The following PPP2R3A variants were observed in gnomAD, a reference collection of about 807,000 sequenced individuals.
PPP2R3A encodes protein phosphatase 2 regulatory subunit B''alpha.
A neutral mutation model predicts 106.9 loss-of-function variants in PPP2R3A; 80 were observed. The observed-to-expected ratio is 0.75, with a 90% CI of 0.62 to 0.90. The LOEUF is 0.90. Ranked by LOEUF, PPP2R3A falls within the 40% of genes least tolerant of loss-of-function variation. PPP2R3A has a pLI of 0.00. For missense variants in PPP2R3A, 1,386 were observed against 1,350.4 expected, an observed-to-expected ratio of 1.03 and a Z score of -0.41; for synonymous variants, 483 against 468.3, an observed-to-expected ratio of 1.03 and a Z score of -0.41.
intron 1 of PPP2R3A, among the ~76,000 whole-genome samples, chr3:135,997,680 AAAGTCTGTTTTAGGATT>A: frequency 6.6e-6 from 1 of 152,332 alleles, no homozygotes; most frequent in South Asian, 2.1e-4. Flanking sequence ...ACAAAAACAA[AAAGTCTGTTTTAGGATT>A]AGCAACACAA....
chr3:136,018,303 C>T (rs1056204990), intron 2 of PPP2R3A, among the ~76,000 whole-genome samples: 6 of 152,192 alleles, frequency 3.9e-5, no homozygotes, highest in Non-Finnish European at 1.5e-5. Context: ...TGGTACAACA[C>T]ATTGCATATA....
Position 136,132,758 on chromosome 3 carries a change from C to A in PPP2R3A, c.3330-12285C>A, listed in dbSNP as rs189741594. Among the ~76,000 whole-genome samples, 54 of 151,810 alleles carry A rather than the reference C, an allele frequency of 3.6e-4. No individual in the cohort carries two copies. In the East Asian group the frequency reaches 9.5e-3, roughly 27 times the overall value. On this transcript the variant is annotated intron_variant, in intron 13 of 13. Transcript: ENST00000264977. ...TTGGTGTAGAAATTAGTAAACTAATCCTAAAACTTGTATAGAAAATGAAAA... is the reference window on the plus strand; with the variant it reads ...TTGGTGTAGAAATTAGTAAACTAATACTAAAACTTGTATAGAAAATGAAAA...
chr3:136,115,205 A>C (rs1306552407), intron 13 of PPP2R3A, among the ~76,000 whole-genome samples: 7 of 152,172 alleles, frequency 4.6e-5, no homozygotes, highest in African/African-American at 1.7e-4. Flanking sequence ...TAACAAACAG[A>C]AAAGAATAGC....
At chr3:135,997,700 C>G (rs1039554972) in intron 1 of PPP2R3A, among the ~76,000 whole-genome samples, 12 of 152,202 alleles carry the variant, frequency 7.9e-5, no homozygotes, top group Admixed American at 2.6e-4. Flanking sequence ...TTAGGATTAG[C>G]AACACAAGTC....
chr3:136,140,087 G>A (rs1938797396), intron 13 of PPP2R3A, among the ~76,000 whole-genome samples: 1 of 151,492 alleles, frequency 6.6e-6, no homozygotes, highest in Non-Finnish European at 1.5e-5. Flanking sequence ...TGTGAGTTCT[G>A]CTTTAATCCT....
At chr3:136,144,486 C>G (rs1352036796) in intron 13 of PPP2R3A, among the ~76,000 whole-genome samples, 1 of 152,058 alleles carries the variant, frequency 6.6e-6, no homozygotes, top group African/African-American at 2.4e-5. Flanking sequence ...CATGGTGAAA[C>G]CCCATCTCTA....
At chr3:136,074,017 G>C (rs1179791425) in intron 6 of PPP2R3A, among the ~76,000 whole-genome samples, 4 of 152,212 alleles carry the variant, frequency 2.6e-5, no homozygotes, top group Non-Finnish European at 2.9e-5. Context: ...ATTAATGACA[G>C]ATATCTCAGA....
At chr3:136,137,605 G>A (rs1264615905) in intron 13 of PPP2R3A, among the ~76,000 whole-genome samples, 6 of 137,006 alleles carry the variant, frequency 4.4e-5, no homozygotes, top group African/African-American at 1.4e-4. Flanking sequence ...GCAGTAGCGC[G>A]ATCTCCGCTC....
intron 13 of PPP2R3A, among the ~76,000 whole-genome samples, chr3:136,129,194 C>CAA (rs375578671): frequency 1.2e-4 from 17 of 138,980 alleles, no homozygotes; most frequent in South Asian, 2.3e-4. Flanking sequence ...GAGATAGAGA[C>CAA]AAAAAAAAAA....
chr3:136,115,856 G>C lies in PPP2R3A; in HGVS notation c.3329+9534G>C, dbSNP rs138952980. ...TATCCAGGAGAACTTTCCAAACCTAGCAAGACAGGCCAACATTCAAATTCA... is the reference window on the plus strand; with the variant it reads ...TATCCAGGAGAACTTTCCAAACCTACCAAGACAGGCCAACATTCAAATTCA... On this transcript the variant is annotated intron_variant, in intron 13 of 13. Coordinates refer to ENST00000264977, the MANE Select transcript of PPP2R3A (RefSeq NM_002718.5). 6.4e-3 allele frequency among the ~76,000 whole-genome samples: 979 copies of C among 152,160 alleles called. 10 individuals carry two copies. The highest frequency in any genetic ancestry group is 0.023 in the African/African-American group (949 of 41,512).
At chr3:136,140,782 C>T (rs1330062495) in intron 13 of PPP2R3A, among the ~76,000 whole-genome samples, 1 of 150,648 alleles carries the variant, frequency 6.6e-6, no homozygotes, top group Admixed American at 6.6e-5. Context: ...TGGTGGCACA[C>T]GCCTATAATC....
chr3:136,110,977 C>G (rs773299590), intron 13 of PPP2R3A, among the ~76,000 whole-genome samples: 14 of 152,068 alleles, frequency 9.2e-5, no homozygotes, highest in Non-Finnish European at 1.8e-4. Context: ...AAAAAAATAA[C>G]TACAAACCTA....
intron 5 of PPP2R3A, among the ~76,000 whole-genome samples, chr3:136,051,359 C>T (rs185050321): frequency 5.3e-4 from 81 of 152,264 alleles, no homozygotes; most frequent in Middle Eastern, 3.4e-3. Flanking sequence ...GACGGAGTCT[C>T]GCTCTTGTCG....
chr3:136,035,312 G>A (rs1935048840), intron 3 of PPP2R3A, among the ~76,000 whole-genome samples: 1 of 151,984 alleles, frequency 6.6e-6, no homozygotes, highest in African/African-American at 2.4e-5. Flanking sequence ...TTGCATTTTT[G>A]TTTTATAGGT....
chr3:136,016,921 G>A (rs1934299032), intron 2 of PPP2R3A, among the ~76,000 whole-genome samples: 1 of 152,126 alleles, frequency 6.6e-6, no homozygotes, highest in Non-Finnish European at 1.5e-5. Flanking sequence ...CGTGTGAAAT[G>A]TATGCTTTAA....
chr3:136,087,252 T>TCTCTCTCTCTCTCTCTCTCC (rs1936968384), intron 8 of PPP2R3A, among the ~76,000 whole-genome samples: 1 of 107,952 alleles, frequency 9.3e-6, no homozygotes, highest in African/African-American at 5.3e-5. Flanking sequence ...CGTGTCTCTC[T>TCTCTCTCTCTCTCTCTCTCC]CTCTCTCTCT....
intron 1 of PPP2R3A, among the ~76,000 whole-genome samples, chr3:135,998,827 T>C (rs980585608): frequency 1.3e-5 from 2 of 152,240 alleles, no homozygotes; most frequent in African/African-American, 4.8e-5. Context: ...TTGTGAGATA[T>C]TGTCAAAGTA....
At position 136,145,846 on chromosome 3, in the gene PPP2R3A, TAAAAA is replaced by T. The variant is rs764339734; in HGVS notation, c.*683_*687del. 6.6e-6 allele frequency: 1 copy of T among 152,392 alleles called. No individual in the cohort carries two copies. Among genetic ancestry groups the T allele is most frequent in the Non-Finnish European group, 1.5e-5 (1 of 67,990 alleles). 9.4% of individuals were successfully genotyped at this position (152,392 alleles called of 1,614,324 possible). On this transcript the variant is annotated 3_prime_UTR_variant, in exon 14 of 14. Transcript: ENST00000264977. ...GTGGATCTTATATAAAATCTCAAGA[TAAAAA>T]AACACTTCTTAAATGAAGTATAGAA...
chr3:135,975,987 T>A (rs1222202882), intron 1 of PPP2R3A, among the ~76,000 whole-genome samples: 1 of 152,204 alleles, frequency 6.6e-6, no homozygotes, highest in Non-Finnish European at 1.5e-5. Context: ...GGTATCTCCT[T>A]GTTTTAATTT....
Sources: allele counts gnomAD v4.1 joint callset (sites outside exome capture counted in the v4.1 genomes callset), GRCh38; gene constraint gnomAD v4.1.1; transcripts MANE v1.5; gene names NCBI Gene and HGNC (gene_info 2026-07-23, HGNC 2026-07-21).